The following SVOPL variants were observed in gnomAD, a reference collection of about 807,000 sequenced individuals.
SVOPL encodes the protein putative transporter SVOPL.
Under a neutral mutation model 61.0 loss-of-function variants are expected in SVOPL, and 60 were observed. The ratio of observed to expected loss-of-function variants is 0.98; its 90% CI spans 0.80 to 1.22. The LOEUF is 1.22. Ranked by LOEUF, SVOPL falls within the 50% of genes most tolerant of loss-of-function variation. The pLI, the probability that SVOPL is intolerant of heterozygous loss-of-function variation, is 0.00. For missense variants in SVOPL, 662 were observed against 643.9 expected (o/e 1.03, Z -0.30); for synonymous variants, 279 against 250.0 (o/e 1.12, Z -1.09).
chr7:138,642,797 TC>T (rs1228906268), intron 9 of SVOPL, among the ~76,000 whole-genome samples: 1 of 137,400 alleles, frequency 7.3e-6, no homozygotes, highest in Non-Finnish European at 1.5e-5. Context: ...GCTACTACAC[TC>T]CAGCCTGGAC....
chr7:138,597,616 C>T (rs1798331686), intron 14 of SVOPL, among the ~76,000 whole-genome samples: 1 of 149,326 alleles, frequency 6.7e-6, no homozygotes, highest in African/African-American at 2.5e-5. Context: ...CAATTTTCCC[C>T]AAACAGGAGT....
chr7:138,693,564 A>AGAAAGAAAGAAAGAAAGAAAGAAAAAAG (rs1563140853), intron 1 of SVOPL, among the ~76,000 whole-genome samples: 56 of 91,354 alleles, frequency 6.1e-4, no homozygotes, highest in African/African-American at 2.3e-3. Context: ...AAAGAAAGAA[A>AGAAAGAAAGAAAGAAAGAAAGAAAAAAG]GAAAGAAAGA....
At chr7:138,596,301 G>A in intron 15 of SVOPL, 116 bp downstream of exon 15, 2 of 827,850 alleles carry the variant, frequency 2.4e-6, no homozygotes, top group Non-Finnish European at 3.6e-6. Context: ...TTTACAGAAA[G>A]AAATCTGATA....
intron 10 of SVOPL, 21 bp downstream of exon 10, chr7:138,630,028 T>C: frequency 1.2e-6 from 2 of 1,605,124 alleles, no homozygotes; most frequent in Non-Finnish European, 8.5e-7. Flanking sequence ...AAAACTAGCT[T>C]TGAAATCATT....
intron 3 of SVOPL, among the ~76,000 whole-genome samples, chr7:138,676,894 G>T (rs982378961): frequency 6.1e-5 from 9 of 147,066 alleles, no homozygotes; most frequent in Non-Finnish European, 1.0e-4. Context: ...CACCTCTTGG[G>T]GTTCCTTTTT....
chr7:138,626,030 A>G lies in SVOPL; in HGVS notation c.1202T>C (p.Leu401Pro). 1 of 1,614,166 alleles carries G rather than the reference A, an allele frequency of 6.2e-7. No individual in the cohort carries two copies. The highest frequency in any genetic ancestry group is 8.5e-7 in the Non-Finnish European group (1 of 1,180,036). ...AGCTACCAGAGCCCTCAGCATGAAG[A>G]GGAAGCCAATCAGGCCGGCACTAGA... is the stretch of plus-strand genomic sequence containing the variant. ...CTSSAGLIGF[L>P]FMLRALVAAN... The change falls in exon 13 of 16, where the codon CTC (leucine) becomes CCC (proline). Residue 401 changes from leucine to proline, a missense_variant. Transcript: ENST00000674285.
rs1229352298 is a variant in SVOPL, at chr7:138,628,241, TC to T, written c.985del (p.Glu329ArgfsTer19). The T allele has an allele frequency of 3.1e-6, 5 of 1,614,118 alleles. No homozygotes were observed. Among genetic ancestry groups the T allele is most frequent in the Non-Finnish European group, 4.2e-6 (5 of 1,180,020 alleles). ...AVVVTGGDSG[E>X]SQSPCYCHMF... Reference sequence around the variant, plus strand: ...GTGGCAGTAGCAGGGGCTCTGGCTCTCCCCTGAGTCCCCCCCAGTCACCACC... The same window carrying T: ...GTGGCAGTAGCAGGGGCTCTGGCTCTCCCTGAGTCCCCCCCAGTCACCACC... On this transcript the variant is annotated frameshift_variant, in exon 11 of 16. Coordinates refer to ENST00000674285, the MANE Select transcript of SVOPL (RefSeq NM_001139456.2). LOFTEE classifies it high-confidence loss of function.
chr7:138,600,516 C>T lies in SVOPL; in HGVS notation c.1354-3986G>A, dbSNP rs1017357411. Among the ~76,000 whole-genome samples, 12 of 151,232 alleles carry T rather than the reference C, an allele frequency of 7.9e-5. No homozygotes were observed. The East Asian group carries it at 9.8e-4, about 12-fold the overall frequency. ...ACTCAGAAGGCTGAGGTGGAAGGAT[C>T]GCTGGAGCCCAGGAGTTTGAAGCTG... On this transcript the variant is annotated intron_variant, in intron 14 of 15. Transcript: ENST00000674285.
rs1554383662 is a variant in SVOPL, at chr7:138,700,715, T to TGGCA, written c.-35+459_-35+462dup. On this transcript the variant is annotated intron_variant, in intron 1 of 15. Transcript: ENST00000674285. Reference sequence around the variant, plus strand: ...ATGGATGGATGGATGGATGGATGGATGGCAGATGGATGATCAGTTAGACCA... The same window carrying TGGCA: ...ATGGATGGATGGATGGATGGATGGATGGCAGGCAGATGGATGATCAGTTAGACCA... Among the ~76,000 whole-genome samples the TGGCA allele has an allele frequency of 4.1e-3, 623 of 151,086 alleles. 7 individuals carry two copies. The highest frequency in any genetic ancestry group is 0.026 in the South Asian group (122 of 4,760).
At chr7:138,694,690 T>A (rs779591459) in intron 1 of SVOPL, among the ~76,000 whole-genome samples, 1 of 152,194 alleles carries the variant, frequency 6.6e-6, no homozygotes, top group Non-Finnish European at 1.5e-5. Flanking sequence ...ATTGTTGAAC[T>A]GTGTTTTCCA....
At chr7:138,653,751 TG>T (rs892869314) in intron 7 of SVOPL, among the ~76,000 whole-genome samples, 4 of 151,968 alleles carry the variant, frequency 2.6e-5, no homozygotes, top group African/African-American at 9.7e-5. Flanking sequence ...CTGGCCAACG[TG>T]GTGAAACCAT....
chr7:138,640,025 G>T (rs1029741944), intron 9 of SVOPL, among the ~76,000 whole-genome samples: 1 of 151,804 alleles, frequency 6.6e-6, no homozygotes, highest in Non-Finnish European at 1.5e-5. Context: ...CAAAGTGCTG[G>T]GATTACAGGC....
Position 138,643,439 on chromosome 7 carries a change from A to G in SVOPL, c.789+1278T>C, listed in dbSNP as rs966250812. On this transcript the variant is annotated intron_variant, in intron 9 of 15. Coordinates refer to ENST00000674285, the MANE Select transcript of SVOPL (RefSeq NM_001139456.2). ...CTCCATCTCAAAAAAAAAAAAAAAA[A>G]AAAGAAAGTGAGGCCTTGAAGAGCT... Among the ~76,000 whole-genome samples, 7 of 151,656 alleles carry G rather than the reference A, an allele frequency of 4.6e-5. No individual in the cohort carries two copies. The East Asian group carries it at 7.8e-4, about 17-fold the overall frequency.
At chr7:138,696,521 C>G (rs1803069020) in intron 1 of SVOPL, among the ~76,000 whole-genome samples, 1 of 152,130 alleles carries the variant, frequency 6.6e-6, no homozygotes, top group Non-Finnish European at 1.5e-5. Flanking sequence ...CTCCTGAGTT[C>G]AAGTGATTCT....
intron 1 of SVOPL, among the ~76,000 whole-genome samples, chr7:138,693,703 G>A (rs1803003950): frequency 2.0e-5 from 3 of 151,568 alleles, no homozygotes; most frequent in Admixed American, 2.0e-4. Flanking sequence ...AAGGAAGGGA[G>A]GCAGGGAGGG....
At chr7:138,672,930 G>T (rs1018729246) in intron 3 of SVOPL, among the ~76,000 whole-genome samples, 8 of 149,818 alleles carry the variant, frequency 5.3e-5, no homozygotes, top group African/African-American at 1.7e-4. Context: ...AAAAGAAGGA[G>T]ATGCTAGAAA....
intron 5 of SVOPL, 100 bp from the exon 6 acceptor site, chr7:138,660,088 T>C: frequency 6.7e-7 from 1 of 1,503,398 alleles, no homozygotes; most frequent in East Asian, 2.5e-5. Flanking sequence ...TCCTGATAGT[T>C]GCTTCTCTGA....
intron 9 of SVOPL, among the ~76,000 whole-genome samples, chr7:138,632,979 A>G (rs1054310620): frequency 6.6e-6 from 1 of 152,162 alleles, no homozygotes; most frequent in African/African-American, 2.4e-5. Flanking sequence ...ACAGCCACCT[A>G]AAGATTATGT....
intron 1 of SVOPL, among the ~76,000 whole-genome samples, chr7:138,694,186 G>A (rs1201713153): frequency 1.3e-5 from 2 of 152,244 alleles, no homozygotes; most frequent in African/African-American, 4.8e-5. Flanking sequence ...TCATCCTCAT[G>A]AGATAGTCAA....
Sources: allele counts gnomAD v4.1 joint callset (sites outside exome capture counted in the v4.1 genomes callset), GRCh38; gene constraint gnomAD v4.1.1; transcripts MANE v1.5; gene names NCBI Gene and HGNC (gene_info 2026-07-23, HGNC 2026-07-21).